Variants in RORA observed in about 807,000 individuals in gnomAD.
The protein encoded by RORA is RAR related orphan receptor A.
RORA carries 7 observed loss-of-function variants against 69.5 expected under a neutral mutation model. The observed-to-expected ratio is 0.10, with a 90% CI of 0.06 to 0.19. The LOEUF (loss-of-function observed/expected upper bound fraction) is 0.19, where lower values mean the gene tolerates loss of function less well. Ranked by LOEUF, RORA falls within the 10% of genes least tolerant of loss-of-function variation. RORA has a pLI of 1.00. For synonymous variants in RORA, 261 were observed against 240.8 expected, an observed-to-expected ratio of 1.08 and a Z score of -0.78; for missense variants, 457 against 663.0, an observed-to-expected ratio of 0.69 and a Z score of 3.41.
At chr15:61,133,699 C>G (rs551557949) in intron 1 of RORA, among the ~76,000 whole-genome samples, 8 of 152,172 alleles carry the variant, frequency 5.3e-5, no homozygotes, top group Non-Finnish European at 8.8e-5. Context: ...CTCTGTTCTC[C>G]TCCAACCTGA....
chr15:60,716,715 CAG>C (rs767987835), intron 1 of RORA, among the ~76,000 whole-genome samples: 85 of 152,230 alleles, frequency 5.6e-4, no homozygotes, highest in Non-Finnish European at 9.0e-4. Context: ...AGACCCTCCT[CAG>C]AGAGAGTCCC....
At chr15:60,813,103 C>T (rs535413463) in intron 1 of RORA, among the ~76,000 whole-genome samples, 6 of 152,320 alleles carry the variant, frequency 3.9e-5, no homozygotes, top group African/African-American at 1.4e-4. Flanking sequence ...AACATCCTGC[C>T]TCCAAAGGCA....
At chr15:60,559,954 A>C (rs1346985031) in intron 2 of RORA, among the ~76,000 whole-genome samples, 2 of 152,224 alleles carry the variant, frequency 1.3e-5, no homozygotes, top group Non-Finnish European at 2.9e-5. Context: ...CATAGCCAAG[A>C]GTTAATATAG....
chr15:61,104,198 G>C (rs1404323221), intron 1 of RORA, among the ~76,000 whole-genome samples: 3 of 152,162 alleles, frequency 2.0e-5, no homozygotes, highest in Non-Finnish European at 2.9e-5. Flanking sequence ...ATATCCTTCT[G>C]TTCTCCTGGT....
chr15:61,058,398 T>C (rs1301991272), intron 1 of RORA, among the ~76,000 whole-genome samples: 1 of 152,074 alleles, frequency 6.6e-6, no homozygotes, highest in Non-Finnish European at 1.5e-5. Flanking sequence ...TTAGGGAACA[T>C]TAATCTTACT....
chr15:60,947,563 C>T (rs1245812474), intron 1 of RORA, among the ~76,000 whole-genome samples: 3 of 151,866 alleles, frequency 2.0e-5, no homozygotes, highest in East Asian at 1.9e-4. Flanking sequence ...GCGGAAGGCC[C>T]CAGGGTCCTC....
At chr15:60,546,554 C>G (rs952147819) in intron 2 of RORA, 1 of 151,998 alleles carries the variant, frequency 6.6e-6, no homozygotes, top group Admixed American at 6.6e-5. Context: ...GCTCATAAAC[C>G]TTAAAAAAAT....
intron 1 of RORA, among the ~76,000 whole-genome samples, chr15:61,080,428 C>G (rs937677535): frequency 6.6e-5 from 10 of 152,164 alleles, no homozygotes; most frequent in African/African-American, 2.4e-4. Context: ...GTCCCCAGCT[C>G]CTGGTACAAT....
At chr15:61,017,127 G>A (rs1461594877) in intron 1 of RORA, among the ~76,000 whole-genome samples, 2 of 151,992 alleles carry the variant, frequency 1.3e-5, no homozygotes, top group Non-Finnish European at 2.9e-5. Flanking sequence ...ACATAAAGCA[G>A]GCTCTTTTGA....
chr15:60,929,494 G>A (rs1467421672), intron 1 of RORA, among the ~76,000 whole-genome samples: 2 of 152,220 alleles, frequency 1.3e-5, no homozygotes, highest in African/African-American at 4.8e-5. Flanking sequence ...TTCTGCAAAA[G>A]GCGAGAAGGA....
chr15:60,586,853 T>C (rs1390439490), intron 2 of RORA, among the ~76,000 whole-genome samples: 1 of 152,172 alleles, frequency 6.6e-6, no homozygotes, highest in African/African-American at 2.4e-5. Context: ...ATTAAGGCCA[T>C]TCCCCACTAA....
At chr15:61,138,279 T>C (rs1188899303) in intron 1 of RORA, among the ~76,000 whole-genome samples, 2 of 152,218 alleles carry the variant, frequency 1.3e-5, no homozygotes, top group Non-Finnish European at 2.9e-5. Context: ...TCTAATTATC[T>C]ATGAGCATGA....
chr15:60,865,380 C>G (rs1328908632), intron 1 of RORA, among the ~76,000 whole-genome samples: 1 of 152,154 alleles, frequency 6.6e-6, no homozygotes, highest in Non-Finnish European at 1.5e-5. Flanking sequence ...GCATATAGCC[C>G]TGGGCTTATT....
chr15:60,594,348 G>A (rs553817605), intron 2 of RORA, among the ~76,000 whole-genome samples: 1 of 152,180 alleles, frequency 6.6e-6, no homozygotes, highest in African/African-American at 2.4e-5. Flanking sequence ...TTTCCCTTGT[G>A]CTAACGACTA....
intron 1 of RORA, among the ~76,000 whole-genome samples, chr15:60,935,921 G>T (rs1892506680): frequency 6.6e-6 from 1 of 152,198 alleles, no homozygotes; most frequent in South Asian, 2.1e-4. Context: ...GCAGACAGAA[G>T]ACAATGATCC....
chr15:60,743,905 A>T (rs1300007675), intron 1 of RORA, among the ~76,000 whole-genome samples: 1 of 152,152 alleles, frequency 6.6e-6, no homozygotes, highest in Non-Finnish European at 1.5e-5. Context: ...TTCCAATCAG[A>T]GTCATGGAAT....
At chr15:60,753,839 C>T (rs770908194) in intron 1 of RORA, among the ~76,000 whole-genome samples, 30 of 152,218 alleles carry the variant, frequency 2.0e-4, no homozygotes, top group Admixed American at 1.3e-4. Flanking sequence ...CCAGTGATTA[C>T]AGCACTTGAT....
chr15:61,082,365 T>C (rs1183386637), intron 1 of RORA, among the ~76,000 whole-genome samples: 1 of 152,210 alleles, frequency 6.6e-6, no homozygotes, highest in East Asian at 1.9e-4. Context: ...GGTGGGCACA[T>C]GTAATCCCAG....
chr15:60,786,619 A>G (rs1423478563), intron 1 of RORA, among the ~76,000 whole-genome samples: 1 of 152,216 alleles, frequency 6.6e-6, no homozygotes, highest in Non-Finnish European at 1.5e-5. Context: ...TCCCTGAAAT[A>G]GGGCTACTGA....
Sources: gnomAD v4.1 joint callset for allele counts (sites outside exome capture counted in the v4.1 genomes callset) on GRCh38, gnomAD v4.1.1 for gene constraint, MANE v1.5 for transcripts, NCBI Gene and HGNC (gene_info 2026-07-23, HGNC 2026-07-21) for gene names.